CNTNAP2: variants seen among roughly 807,000 people sequenced by gnomAD.
The protein encoded by CNTNAP2 is contactin-associated protein-like 2.
Under a neutral mutation model 155.2 loss-of-function variants are expected in CNTNAP2, and 98 were observed. The ratio of observed to expected loss-of-function variants is 0.63; its 90% confidence interval spans 0.54 to 0.75. The LOEUF (loss-of-function observed/expected upper bound fraction) is 0.75, where lower values mean the gene tolerates loss of function less well. Among genes scored for constraint, CNTNAP2 ranks in the 30% least tolerant of loss-of-function variants. The pLI is 0.00. For missense variants in CNTNAP2, 1,727 were observed against 1,688.1 expected, an observed-to-expected ratio of 1.02 and a Z score of -0.40; for synonymous variants, 651 against 631.2, an observed-to-expected ratio of 1.03 and a Z score of -0.47.
At chr7:147,089,976 T>C (rs1305614960) in intron 4 of CNTNAP2, among the ~76,000 whole-genome samples, 1 of 152,160 alleles carries the variant, frequency 6.6e-6, no homozygotes, top group African/African-American at 2.4e-5. Context: ...GTAGACTGAA[T>C]TATGTATTTT....
intron 17 of CNTNAP2, among the ~76,000 whole-genome samples, chr7:148,149,615 A>G (rs1805259717): frequency 6.6e-6 from 1 of 151,940 alleles, no homozygotes; most frequent in African/African-American, 2.4e-5. Context: ...TGTGTTCTCA[A>G]CTCACGACTC....
intron 18 of CNTNAP2, among the ~76,000 whole-genome samples, chr7:148,183,128 G>A (rs570141087): frequency 1.3e-5 from 2 of 152,222 alleles, no homozygotes; most frequent in African/African-American, 4.8e-5. Context: ...AGCAAGGAAG[G>A]ACAGGATGAA....
chr7:146,196,614 T>C (rs530104901), intron 1 of CNTNAP2, among the ~76,000 whole-genome samples: 1 of 150,384 alleles, frequency 6.6e-6, no homozygotes, highest in South Asian at 2.1e-4. Context: ...AGAGAGAGAA[T>C]TGTGGGACCT....
intron 14 of CNTNAP2, among the ~76,000 whole-genome samples, chr7:147,954,196 G>A (rs972736609): frequency 2.0e-5 from 3 of 152,056 alleles, no homozygotes; most frequent in Non-Finnish European, 4.4e-5. Flanking sequence ...AATACATTCT[G>A]CTTTGCATCA....
Position 147,132,268 on chromosome 7 carries a change from G to A in CNTNAP2, c.1107G>A (p.Val369=), listed in dbSNP as rs1801390228. 3 of 1,613,562 alleles carry A rather than the reference G, an allele frequency of 1.9e-6. No individual in the cohort carries two copies. The African/African-American group carries it at 4.0e-5, about 22-fold the overall frequency. Residue 369 remains valine, a synonymous_variant, in exon 8 of 24, where the codon GTG becomes GTA. Transcript: ENST00000361727. ...AGGGAAATTTGAGCTTTTCTTGTGT[G>A]GAACCCTATACGGTGCCTGTCTTTT... ...SNVGNLSFSC[V]EPYTVPVFFN...
chr7:146,688,878 T>C (rs114633058), intron 1 of CNTNAP2, among the ~76,000 whole-genome samples: 195 of 152,276 alleles, frequency 1.3e-3, no homozygotes, highest in African/African-American at 4.3e-3. Flanking sequence ...ACCATTCTTG[T>C]TAGCTGATTA....
At chr7:146,277,874 G>T (rs1244958631) in intron 1 of CNTNAP2, among the ~76,000 whole-genome samples, 1 of 151,988 alleles carries the variant, frequency 6.6e-6, no homozygotes, top group East Asian at 1.9e-4. Flanking sequence ...AGTGGAGTGG[G>T]TACTTTTCAA....
intron 20 of CNTNAP2, among the ~76,000 whole-genome samples, chr7:148,243,112 G>A (rs781368963): frequency 2.6e-5 from 4 of 152,138 alleles, no homozygotes; most frequent in South Asian, 2.1e-4. Flanking sequence ...CATCCTATCC[G>A]AGCATCCTTC....
intron 1 of CNTNAP2, among the ~76,000 whole-genome samples, chr7:146,177,381 A>AT (rs2116829937): frequency 6.6e-6 from 1 of 152,314 alleles, no homozygotes; most frequent in East Asian, 1.9e-4. Context: ...AAGAAAAAAA[A>AT]CAACAACAGA....
intron 8 of CNTNAP2, among the ~76,000 whole-genome samples, chr7:147,173,609 A>T (rs1802276614): frequency 6.6e-6 from 1 of 152,172 alleles, no homozygotes; most frequent in Non-Finnish European, 1.5e-5. Context: ...ACTGACCCCC[A>T]CTTCAGAAAT....
At chr7:148,119,892 G>A (rs779929246) in intron 16 of CNTNAP2, among the ~76,000 whole-genome samples, 16 of 151,824 alleles carry the variant, frequency 1.1e-4, no homozygotes, top group Non-Finnish European at 2.1e-4. Flanking sequence ...GGAGGCTAAG[G>A]CTATCCTGGT....
At chr7:147,706,440 T>A (rs1796318217) in intron 13 of CNTNAP2, among the ~76,000 whole-genome samples, 1 of 152,130 alleles carries the variant, frequency 6.6e-6, no homozygotes, top group Non-Finnish European at 1.5e-5. Context: ...TTTCAGCACT[T>A]TCAATATATC....
chr7:146,705,315 G>T (rs1800943919), intron 1 of CNTNAP2, among the ~76,000 whole-genome samples: 1 of 152,114 alleles, frequency 6.6e-6, no homozygotes, highest in African/African-American at 2.4e-5. Context: ...TAGGTGAGAA[G>T]TCCAAGATCA....
chr7:147,109,425 G>C (rs1800830145), intron 5 of CNTNAP2, among the ~76,000 whole-genome samples: 1 of 152,172 alleles, frequency 6.6e-6, no homozygotes, highest in African/African-American at 2.4e-5. Flanking sequence ...GAATTCTAGA[G>C]ATCAGTTTGG....
At chr7:146,893,932 A>G (rs1795826781) in intron 3 of CNTNAP2, among the ~76,000 whole-genome samples, 1 of 152,184 alleles carries the variant, frequency 6.6e-6, no homozygotes, top group Non-Finnish European at 1.5e-5. Flanking sequence ...CGAGCTATGT[A>G]AAAACCTAGG....
intron 13 of CNTNAP2, among the ~76,000 whole-genome samples, chr7:147,795,068 T>C (rs1416884325): frequency 6.6e-6 from 1 of 151,960 alleles, no homozygotes; most frequent in African/African-American, 2.4e-5. Context: ...CTCTGTTATT[T>C]TCTATAATTT....
intron 1 of CNTNAP2, among the ~76,000 whole-genome samples, chr7:146,455,842 C>T (rs181636142): frequency 1.4e-4 from 21 of 152,020 alleles, no homozygotes; most frequent in Non-Finnish European, 2.4e-4. Flanking sequence ...TTTTTATTAA[C>T]GAAAACTGCC....
chr7:147,686,536 A>G (rs1179340963), intron 13 of CNTNAP2, among the ~76,000 whole-genome samples: 1 of 152,046 alleles, frequency 6.6e-6, no homozygotes, highest in Admixed American at 6.6e-5. Context: ...CAGGGGTCCA[A>G]TTAAAATCAC....
At chr7:147,079,514 C>T (rs1355888562) in intron 4 of CNTNAP2, among the ~76,000 whole-genome samples, 5 of 151,490 alleles carry the variant, frequency 3.3e-5, no homozygotes, top group East Asian at 3.9e-4. Flanking sequence ...TTAATGGTTG[C>T]GGCACACCAA....
Sources: allele counts gnomAD v4.1 joint callset (sites outside exome capture counted in the v4.1 genomes callset), GRCh38; gene constraint gnomAD v4.1.1; transcripts MANE v1.5; gene names NCBI Gene and HGNC (gene_info 2026-07-23, HGNC 2026-07-21).